Variants in GRM1 observed in about 807,000 individuals in gnomAD.
GRM1 encodes the protein glutamate metabotropic receptor 1.
Under a neutral mutation model 90.9 loss-of-function variants are expected in GRM1, and 33 were observed. That is an observed-to-expected ratio of 0.36 (90% CI 0.28 to 0.49). GRM1 has a LOEUF of 0.49. Among genes scored for constraint, GRM1 ranks in the 20% least tolerant of loss-of-function variants. The pLI is 0.99. For synonymous variants in GRM1, 700 were observed against 613.2 expected (o/e 1.14, Z -2.09); for missense variants, 1,190 against 1,534.3 (o/e 0.78, Z 3.75).
intron 1 of GRM1, among the ~76,000 whole-genome samples, chr6:146,149,151 G>T (rs1408535662): frequency 6.6e-6 from 1 of 152,194 alleles, no homozygotes; most frequent in East Asian, 1.9e-4. Flanking sequence ...AGGCATGAGT[G>T]TTTGTAACTT....
chr6:146,141,469 ACTTTCTACACATATCT>A (rs1257040410), intron 1 of GRM1, among the ~76,000 whole-genome samples: 1 of 151,956 alleles, frequency 6.6e-6, no homozygotes, highest in Non-Finnish European at 1.5e-5. Context: ...CTGCGAAGAA[ACTTTCTACACATATCT>A]CTTTCTCCAT....
intron 3 of GRM1, among the ~76,000 whole-genome samples, chr6:146,323,050 C>A (rs7748500): frequency 2.6e-5 from 4 of 152,130 alleles, no homozygotes; most frequent in Non-Finnish European, 4.4e-5. Context: ...GTGAATGTCC[C>A]GCTATAAACG....
At chr6:146,387,153 G>T (rs1776539083) in intron 6 of GRM1, 137 bp downstream of exon 6, 2 of 851,508 alleles carry the variant, frequency 2.3e-6, no homozygotes, top group African/African-American at 1.7e-5. Context: ...TCATGTCAAG[G>T]AGTATACATA....
intron 4 of GRM1, among the ~76,000 whole-genome samples, chr6:146,355,858 T>C (rs995547459): frequency 5.9e-5 from 9 of 152,124 alleles, no homozygotes; most frequent in East Asian, 3.9e-4. Flanking sequence ...AGAGAGCTGA[T>C]GAAGAAGAGT....
At position 146,192,322 on chromosome 6, in the gene GRM1, G is replaced by A. The variant is rs373423873; in HGVS notation, c.950+32725G>A. On this transcript the variant is annotated intron_variant, in intron 2 of 7. Coordinates refer to ENST00000282753, the MANE Select transcript of GRM1 (RefSeq NM_001278064.2). ...TAACCAAACTGTAGAATAATAATGG[G>A]ACATACATGGAGGAAAATGTTACCC... Among the ~76,000 whole-genome samples, 17 of 152,250 alleles carry A rather than the reference G, an allele frequency of 1.1e-4. No individual in the cohort carries two copies. In the South Asian group the frequency reaches 3.5e-3, roughly 32 times the overall value.
In GRM1 at chr6:146,357,711, T is replaced by C; in HGVS notation, c.1602+17T>C. ...CAGATTAAGGTAAGCCACAAATGCATTCTTGCATGGTATCTGTGAGGAGGT... is the reference window on the plus strand; with the variant it reads ...CAGATTAAGGTAAGCCACAAATGCACTCTTGCATGGTATCTGTGAGGAGGT... On this transcript the variant is annotated intron_variant, in intron 5 of 7. Coordinates refer to ENST00000282753, the MANE Select transcript of GRM1 (RefSeq NM_001278064.2). The C allele has an allele frequency of 6.2e-7, 1 of 1,606,364 alleles. No individual in the cohort carries two copies. Among genetic ancestry groups the C allele is most frequent in the Non-Finnish European group, 8.5e-7 (1 of 1,173,158 alleles).
At chr6:146,259,840 G>A (rs1214675512) in intron 2 of GRM1, among the ~76,000 whole-genome samples, 1 of 151,736 alleles carries the variant, frequency 6.6e-6, no homozygotes, top group Non-Finnish European at 1.5e-5. Context: ...CAGATCATAT[G>A]GTAGATCTAT....
intron 5 of GRM1, among the ~76,000 whole-genome samples, chr6:146,385,742 G>A (rs937541025): frequency 2.6e-5 from 4 of 151,938 alleles, no homozygotes; most frequent in Non-Finnish European, 5.9e-5. Flanking sequence ...CATTTGGGAA[G>A]GGTCTATAAA....
chr6:146,221,517 G>A (rs535450224), intron 2 of GRM1, among the ~76,000 whole-genome samples: 1 of 152,200 alleles, frequency 6.6e-6, no homozygotes, highest in East Asian at 1.9e-4. Context: ...CCTGCAAAGG[G>A]CATGAATTCA....
intron 1 of GRM1, among the ~76,000 whole-genome samples, chr6:146,031,329 T>C (rs187128880): frequency 6.6e-6 from 1 of 152,320 alleles, no homozygotes; most frequent in Admixed American, 6.5e-5. Flanking sequence ...GGTATTTCTG[T>C]ATTCATATTT....
chr6:146,223,889 A>G (rs1284578708), intron 2 of GRM1, among the ~76,000 whole-genome samples: 2 of 152,136 alleles, frequency 1.3e-5, no homozygotes, highest in East Asian at 3.9e-4. Context: ...AAATATTTTA[A>G]ATATGAATAT....
intron 7 of GRM1, among the ~76,000 whole-genome samples, chr6:146,424,430 C>T (rs763138592): frequency 4.6e-5 from 7 of 152,272 alleles, no homozygotes; most frequent in East Asian, 1.9e-4. Context: ...GACAAGAGTC[C>T]GAAAATCCCA....
chr6:146,331,683 G>C (rs548763195), intron 3 of GRM1, among the ~76,000 whole-genome samples: 8 of 152,168 alleles, frequency 5.3e-5, no homozygotes, highest in African/African-American at 1.4e-4. Flanking sequence ...CATCCTCTGT[G>C]GAATGAGAGC....
At chr6:146,305,747 G>T (rs929743982) in intron 3 of GRM1, among the ~76,000 whole-genome samples, 1 of 152,156 alleles carries the variant, frequency 6.6e-6, no homozygotes, top group Admixed American at 6.5e-5. Flanking sequence ...AGGCTACGCA[G>T]ATATTATTTA....
At chr6:146,043,371 A>T (rs7766595) in intron 1 of GRM1, among the ~76,000 whole-genome samples, 60,435 of 151,802 alleles carry the variant, frequency 0.4, 12,329 homozygotes, top group Middle Eastern at 0.51. Flanking sequence ...TTTTCTAAGT[A>T]ACATGTTAAT....
chr6:146,115,221 T>TAC (rs67497002), intron 1 of GRM1, among the ~76,000 whole-genome samples: 2,417 of 148,636 alleles, frequency 0.016, 44 homozygotes, highest in African/African-American at 0.049. Flanking sequence ...ATTAAATGCA[T>TAC]ACACACACAC....
intron 2 of GRM1, among the ~76,000 whole-genome samples, chr6:146,200,093 AT>A (rs1779253707): frequency 6.6e-6 from 1 of 152,116 alleles, no homozygotes; most frequent in Non-Finnish European, 1.5e-5. Context: ...AGGGTTCCAG[AT>A]TTTCCTGGAA....
chr6:146,328,293 T>TAC (rs148783761), intron 3 of GRM1, among the ~76,000 whole-genome samples: 10 of 151,946 alleles, frequency 6.6e-5, no homozygotes, highest in Admixed American at 2.6e-4. Flanking sequence ...CCTAAGCCCA[T>TAC]ACACACACAC....
chr6:146,116,541 A>T (rs1775755531), intron 1 of GRM1, among the ~76,000 whole-genome samples: 1 of 152,082 alleles, frequency 6.6e-6, no homozygotes, highest in South Asian at 2.1e-4. Flanking sequence ...TGTGTTTTTC[A>T]TAAGAGATAA....
Sources: allele counts gnomAD v4.1 joint callset (sites outside exome capture counted in the v4.1 genomes callset), GRCh38; gene constraint gnomAD v4.1.1; transcripts MANE v1.5; gene names NCBI Gene and HGNC (gene_info 2026-07-23, HGNC 2026-07-21).